Variants in PLB1 observed in about 807,000 individuals in gnomAD.
PLB1 encodes phospholipase B1.
PLB1 carries 242 observed loss-of-function variants against 227.4 expected under a neutral mutation model. The ratio of observed to expected loss-of-function variants is 1.06; its 90% CI spans 0.96 to 1.18. The LOEUF (loss-of-function observed/expected upper bound fraction) is 1.18, where lower values mean the gene tolerates loss of function less well. Among genes scored for constraint, PLB1 ranks in the 50% most tolerant of loss-of-function variants. PLB1 has a pLI of 0.00. For missense variants in PLB1, 1,858 were observed against 1,816.3 expected (o/e 1.02, Z -0.42); for synonymous variants, 757 against 682.2 (o/e 1.11, Z -1.71).
chr2:28,505,582 A>G (rs1242405888), intron 1 of PLB1, among the ~76,000 whole-genome samples: 1 of 152,110 alleles, frequency 6.6e-6, no homozygotes, highest in African/African-American at 2.4e-5. Context: ...TGCAAAACCA[A>G]CGGTGGGAGC....
intron 42 of PLB1, 130 bp from the exon 43 acceptor site, chr2:28,606,366 G>A (rs1324481958): frequency 4.9e-5 from 43 of 883,888 alleles, no homozygotes; most frequent in Non-Finnish European, 3.4e-5. Flanking sequence ...AACTGGCAGA[G>A]CCAGAAGTGG....
intron 49 of PLB1, among the ~76,000 whole-genome samples, chr2:28,623,287 C>T (rs1687288431): frequency 6.6e-6 from 1 of 152,198 alleles, no homozygotes; most frequent in Non-Finnish European, 1.5e-5. Flanking sequence ...ATGTGTGGAT[C>T]AGGGAGCCCA....
Position 28,643,113 on chromosome 2 carries a change from C to G in PLB1, c.*52C>G. The G allele has an allele frequency of 6.8e-7, 1 of 1,464,562 alleles. No homozygotes were observed. The highest frequency in any genetic ancestry group is 9.1e-7 in the Non-Finnish European group (1 of 1,093,016). 90.7% of individuals were successfully genotyped at this position (1,464,562 alleles called of 1,614,324 possible). On this transcript the variant is annotated 3_prime_UTR_variant, in exon 58 of 58. Coordinates refer to ENST00000327757, the MANE Select transcript of PLB1 (RefSeq NM_153021.5). ...CTCCCTATAGCCACTCTCTTCACCGCCCTCTGCCCCAGCCACTCCCGGCCA... is the reference window on the plus strand; with the variant it reads ...CTCCCTATAGCCACTCTCTTCACCGGCCTCTGCCCCAGCCACTCCCGGCCA...
At chr2:28,629,303 G>A in intron 53 of PLB1, 118 bp downstream of exon 53, 1 of 779,674 alleles carries the variant, frequency 1.3e-6, no homozygotes, top group Non-Finnish European at 2.0e-6. Flanking sequence ...GGGTAGACAT[G>A]GCTCAGGGGC....
intron 46 of PLB1, among the ~76,000 whole-genome samples, chr2:28,619,222 G>A (rs899648913): frequency 1.2e-4 from 18 of 152,068 alleles, no homozygotes; most frequent in Admixed American, 3.9e-4. Flanking sequence ...ATAGGCCCCC[G>A]TGTGCGTTGT....
intron 17 of PLB1, among the ~76,000 whole-genome samples, chr2:28,562,265 C>T (rs770164635): frequency 2.0e-5 from 3 of 151,890 alleles, no homozygotes; most frequent in Non-Finnish European, 2.9e-5. Context: ...AACAGTCGGC[C>T]GGGCGCGTTG....
chr2:28,637,571 G>A (rs758273441), intron 56 of PLB1, among the ~76,000 whole-genome samples: 5 of 152,158 alleles, frequency 3.3e-5, no homozygotes, highest in African/African-American at 2.4e-5. Flanking sequence ...AAGGAGGCAG[G>A]CCAGGCCCCA....
At chr2:28,518,908 G>T (rs1325918083) in intron 3 of PLB1, among the ~76,000 whole-genome samples, 1 of 152,134 alleles carries the variant, frequency 6.6e-6, no homozygotes, top group Non-Finnish European at 1.5e-5. Context: ...TCTTGAGTGG[G>T]CCTTCTTCCC....
intron 5 of PLB1, among the ~76,000 whole-genome samples, 183 bp downstream of exon 5, chr2:28,525,490 T>G (rs181105734): frequency 6.6e-6 from 1 of 152,128 alleles, no homozygotes; most frequent in Non-Finnish European, 1.5e-5. Flanking sequence ...GTCTAACCCT[T>G]CCTCTGCCTG....
intron 32 of PLB1, 62 bp from the exon 33 acceptor site, chr2:28,593,619 T>G: frequency 6.9e-7 from 1 of 1,453,932 alleles, no homozygotes; most frequent in East Asian, 2.3e-5. Context: ...GCCCTGTGCA[T>G]TCACAGCCTC....
intron 53 of PLB1, among the ~76,000 whole-genome samples, chr2:28,629,717 T>C (rs1688328046): frequency 6.6e-6 from 1 of 152,154 alleles, no homozygotes; most frequent in Non-Finnish European, 1.5e-5. Context: ...TCTTAGGAAA[T>C]AGCTCTTATT....
chr2:28,605,125 C>T (rs1160077890), intron 41 of PLB1, among the ~76,000 whole-genome samples: 1 of 152,214 alleles, frequency 6.6e-6, no homozygotes, highest in Non-Finnish European at 1.5e-5. Context: ...CCAACATGAA[C>T]ACAGCCAGCT....
At chr2:28,616,714 G>A (rs1204719088) in intron 44 of PLB1, among the ~76,000 whole-genome samples, 2 of 152,192 alleles carry the variant, frequency 1.3e-5, no homozygotes, top group Admixed American at 1.3e-4. Context: ...ATGCTCTTGA[G>A]TTCATTAAAC....
intron 1 of PLB1, among the ~76,000 whole-genome samples, chr2:28,499,172 TA>T (rs1248097738): frequency 1.3e-5 from 2 of 152,168 alleles, no homozygotes; most frequent in Non-Finnish European, 2.9e-5. Context: ...CAACTAAACT[TA>T]AAAATTTTAA....
intron 19 of PLB1, among the ~76,000 whole-genome samples, chr2:28,566,189 A>C (rs940040562): frequency 1.3e-5 from 2 of 152,106 alleles, no homozygotes; most frequent in Non-Finnish European, 2.9e-5. Flanking sequence ...CAACACAGTT[A>C]AACCCAAACA....
chr2:28,586,076 G>T (rs755913370), intron 26 of PLB1, among the ~76,000 whole-genome samples: 11 of 152,180 alleles, frequency 7.2e-5, no homozygotes, highest in Admixed American at 4.6e-4. Context: ...GTTCCTGGTC[G>T]TTAAATGAAA....
chr2:28,519,686 T>C lies in PLB1; in HGVS notation c.185-19T>C. 1.9e-6 allele frequency: 3 copies of C among 1,589,712 alleles called. No homozygotes were observed. Among genetic ancestry groups the C allele is most frequent in the Non-Finnish European group, 2.6e-6 (3 of 1,158,576 alleles). ...GGAATGTAGATCTGACCTTCCTATATGGGTTCTTGTCTCCACAGTTCACTC... is the reference window on the plus strand; with the variant it reads ...GGAATGTAGATCTGACCTTCCTATACGGGTTCTTGTCTCCACAGTTCACTC... On this transcript the variant is annotated intron_variant, in intron 3 of 57. Coordinates refer to ENST00000327757, the MANE Select transcript of PLB1 (RefSeq NM_153021.5).
chr2:28,623,319 T>C (rs909559793), intron 49 of PLB1, among the ~76,000 whole-genome samples: 9 of 152,038 alleles, frequency 5.9e-5, no homozygotes, highest in African/African-American at 2.2e-4. Flanking sequence ...CAAGGGAAAG[T>C]AGGACTTGGT....
At chr2:28,567,469 CTTTTTTTTT>C (rs57787583) in intron 20 of PLB1, among the ~76,000 whole-genome samples, 1 of 108,090 alleles carries the variant, frequency 9.3e-6, no homozygotes, top group African/African-American at 4.0e-5. Context: ...ATTTCTTTCT[CTTTTTTTTT>C]TTTTTTTTTT....
Sources: gnomAD v4.1 joint callset for allele counts (sites outside exome capture counted in the v4.1 genomes callset) on GRCh38, gnomAD v4.1.1 for gene constraint, MANE v1.5 for transcripts, NCBI Gene and HGNC (gene_info 2026-07-23, HGNC 2026-07-21) for gene names.